FAM117B: variants seen among roughly 807,000 people sequenced by gnomAD.
FAM117B encodes the protein family with sequence similarity 117 member B.
FAM117B carries 22 observed loss-of-function variants against 52.8 expected under a neutral mutation model. The observed-to-expected ratio is 0.42, with a 90% CI of 0.30 to 0.59. The LOEUF is 0.59. Among genes scored for constraint, FAM117B ranks in the 20% least tolerant of loss-of-function variants. The pLI, the probability that FAM117B is intolerant of heterozygous loss-of-function variation, is 0.22. For missense variants in FAM117B, 678 were observed against 802.6 expected (o/e 0.84, Z 1.88); for synonymous variants, 309 against 324.1 (o/e 0.95, Z 0.50).
intron 1 of FAM117B, among the ~76,000 whole-genome samples, chr2:202,640,340 A>ATATGTATG (rs1553517979): frequency 9.5e-6 from 1 of 105,734 alleles, no homozygotes; most frequent in African/African-American, 4.3e-5. Context: ...ATATATATAT[A>ATATGTATG]TATGGCAAGT....
intron 1 of FAM117B, among the ~76,000 whole-genome samples, chr2:202,694,185 C>CTTATTTTTTTT (rs1366463610): frequency 8.5e-6 from 1 of 118,184 alleles, no homozygotes; most frequent in African/African-American, 4.1e-5. Flanking sequence ...GCAAAACCCA[C>CTTATTTTTTTT]TTCTTTTTTT....
intron 1 of FAM117B, among the ~76,000 whole-genome samples, chr2:202,687,149 A>G (rs536210733): frequency 1.7e-4 from 26 of 152,354 alleles, no homozygotes; most frequent in African/African-American, 6.0e-4. Flanking sequence ...AACAACAAGC[A>G]TGGATCTCAT....
intron 1 of FAM117B, among the ~76,000 whole-genome samples, chr2:202,644,029 T>C (rs1254327813): frequency 2.0e-5 from 3 of 149,816 alleles, no homozygotes; most frequent in African/African-American, 4.9e-5. Context: ...CTAAATAATA[T>C]GCTATACTAC....
At chr2:202,650,963 A>G (rs989263262) in intron 1 of FAM117B, among the ~76,000 whole-genome samples, 7 of 152,068 alleles carry the variant, frequency 4.6e-5, no homozygotes, top group African/African-American at 1.7e-4. Flanking sequence ...AAACCCGGGA[A>G]CAATACTTTG....
chr2:202,699,332 C>T (rs1322752711), intron 2 of FAM117B, among the ~76,000 whole-genome samples: 1 of 140,272 alleles, frequency 7.1e-6, no homozygotes, highest in Non-Finnish European at 1.5e-5. Flanking sequence ...GAAGCTGAGA[C>T]AGGAGAATTG....
chr2:202,645,382 G>A (rs1689845181), intron 1 of FAM117B, among the ~76,000 whole-genome samples: 1 of 149,328 alleles, frequency 6.7e-6, no homozygotes, highest in South Asian at 2.1e-4. Flanking sequence ...TCCGCCCCCC[G>A]GGGTTCACGC....
chr2:202,732,041 T>G (rs1245055528), intron 4 of FAM117B, among the ~76,000 whole-genome samples: 1 of 150,840 alleles, frequency 6.6e-6, no homozygotes, highest in Non-Finnish European at 1.5e-5. Flanking sequence ...AGCCTATTTA[T>G]TTTTCTTTTT....
At chr2:202,661,326 T>A (rs1241380890) in intron 1 of FAM117B, among the ~76,000 whole-genome samples, 1 of 152,222 alleles carries the variant, frequency 6.6e-6, no homozygotes, top group Non-Finnish European at 1.5e-5. Flanking sequence ...AGATGCGTAT[T>A]TGAAAGTCTG....
At chr2:202,653,944 A>G (rs2105757901) in intron 1 of FAM117B, among the ~76,000 whole-genome samples, 1 of 152,212 alleles carries the variant, frequency 6.6e-6, no homozygotes, top group East Asian at 1.9e-4. Context: ...TGTCCGTACT[A>G]TTCAACCTTT....
chr2:202,731,329 T>C (rs1222548488), intron 4 of FAM117B, among the ~76,000 whole-genome samples: 1 of 9,704 alleles, frequency 1.0e-4, no homozygotes, highest in African/African-American at 1.7e-4. Context: ...GTGGAGAAAT[T>C]GGAATATATA....
intron 1 of FAM117B, among the ~76,000 whole-genome samples, chr2:202,655,697 G>T: frequency 6.9e-6 from 1 of 145,508 alleles, no homozygotes; most frequent in Admixed American, 7.0e-5. Context: ...GAGTGGGTGC[G>T]GGAAGAGAGT....
At chr2:202,713,158 T>A (rs1224604176) in intron 2 of FAM117B, among the ~76,000 whole-genome samples, 1 of 152,210 alleles carries the variant, frequency 6.6e-6, no homozygotes, top group Non-Finnish European at 1.5e-5. Context: ...CATTGGGTCC[T>A]GGGATTTTCT....
At chr2:202,723,178 G>T (rs144499189) in intron 2 of FAM117B, among the ~76,000 whole-genome samples, 445 of 152,208 alleles carry the variant, frequency 2.9e-3, no homozygotes, top group Non-Finnish European at 3.7e-3. Flanking sequence ...AGTCCTTTTG[G>T]CTATAAGGAG....
intron 2 of FAM117B, among the ~76,000 whole-genome samples, chr2:202,696,350 G>A (rs1336525568): frequency 6.6e-6 from 1 of 151,910 alleles, no homozygotes; most frequent in Admixed American, 6.6e-5. Context: ...TGTCTTCCCT[G>A]GGCCACATTG....
intron 6 of FAM117B, among the ~76,000 whole-genome samples, chr2:202,758,623 A>C (rs1019299726): frequency 6.6e-6 from 1 of 152,228 alleles, no homozygotes; most frequent in Non-Finnish European, 1.5e-5. Context: ...TAAATTGAGG[A>C]TATCAGCACT....
At chr2:202,725,985 CTG>C (rs1456790317) in intron 3 of FAM117B, among the ~76,000 whole-genome samples, 1 of 151,996 alleles carries the variant, frequency 6.6e-6, no homozygotes, top group Non-Finnish European at 1.5e-5. Flanking sequence ...TTCGTGAAAA[CTG>C]TAATGTAATT....
intron 4 of FAM117B, among the ~76,000 whole-genome samples, chr2:202,748,677 CAT>C (rs901348243): frequency 6.6e-6 from 1 of 152,016 alleles, no homozygotes; most frequent in Admixed American, 6.6e-5. Flanking sequence ...CAAAAAAAGA[CAT>C]AGATTAAATG....
At chr2:202,643,631 C>T (rs2105752687) in intron 1 of FAM117B, among the ~76,000 whole-genome samples, 1 of 152,254 alleles carries the variant, frequency 6.6e-6, no homozygotes, top group Middle Eastern at 3.4e-3. Context: ...TCTTTCTCCA[C>T]TCCCTCTTCC....
chr2:202,767,879 G>C lies in FAM117B; in HGVS notation c.*2115G>C, dbSNP rs965152239. 1.3e-5 allele frequency: 2 copies of C among 152,130 alleles called. No homozygotes were observed. The highest frequency in any genetic ancestry group is 4.8e-5 in the African/African-American group (2 of 41,414). The allele number at this position is 152,130 out of a possible 1,614,324, so 9.4% of individuals were successfully genotyped here. Reference sequence around the variant, plus strand: ...TTCTCAATCCAAAACTAATTTATTTGGAACTAGTACGTTATGGCTTCTCAG... The same window carrying C: ...TTCTCAATCCAAAACTAATTTATTTCGAACTAGTACGTTATGGCTTCTCAG... On this transcript the variant is annotated 3_prime_UTR_variant, in exon 8 of 8. Transcript: ENST00000392238.
Sources: allele counts gnomAD v4.1 joint callset (sites outside exome capture counted in the v4.1 genomes callset), GRCh38; gene constraint gnomAD v4.1.1; transcripts MANE v1.5; gene names NCBI Gene and HGNC (gene_info 2026-07-23, HGNC 2026-07-21).